Variants in DLEU7 observed in about 807,000 individuals in gnomAD.
The protein encoded by DLEU7 is deleted in lymphocytic leukemia 7.
DLEU7 carries 17 observed loss-of-function variants against 16.0 expected under a neutral mutation model. That is an observed-to-expected ratio of 1.06 (90% CI 0.73 to 1.59). The LOEUF (loss-of-function observed/expected upper bound fraction) is 1.59, where lower values mean the gene tolerates loss of function less well. DLEU7 is among the 40% of genes most tolerant of loss of function. The pLI, the probability that DLEU7 is intolerant of heterozygous loss-of-function variation, is 0.00. For synonymous variants in DLEU7, 113 were observed against 139.8 expected, an observed-to-expected ratio of 0.81 and a Z score of 1.35; for missense variants, 308 against 314.9, an observed-to-expected ratio of 0.98 and a Z score of 0.17.
intron 1 of DLEU7, among the ~76,000 whole-genome samples, chr13:50,769,326 C>T (rs1875224464): frequency 6.6e-6 from 1 of 152,046 alleles, no homozygotes; most frequent in Admixed American, 6.5e-5. Context: ...CTTTTGTTGC[C>T]ATTGCTTTTG....
intron 1 of DLEU7, among the ~76,000 whole-genome samples, chr13:50,837,172 G>A (rs907153004): frequency 2.0e-5 from 3 of 152,092 alleles, no homozygotes; most frequent in East Asian, 1.9e-4. Context: ...CTGGAAATGC[G>A]CACAAATAAC....
chr13:50,820,702 G>A (rs1353337555), downstream of DLEU7, among the ~76,000 whole-genome samples: 1 of 152,110 alleles, frequency 6.6e-6, no homozygotes, highest in East Asian at 1.9e-4. Flanking sequence ...AAGGCCAGCA[G>A]TGAATTATCT....
chr13:50,776,347 G>A (rs1320959280), intron 1 of DLEU7, among the ~76,000 whole-genome samples: 1 of 152,228 alleles, frequency 6.6e-6, no homozygotes, highest in East Asian at 1.9e-4. Context: ...GGATAGCCCA[G>A]TGCTGTCACT....
chr13:50,842,594 G>A (rs565462182), intron 1 of DLEU7, among the ~76,000 whole-genome samples: 1 of 152,274 alleles, frequency 6.6e-6, no homozygotes, highest in East Asian at 1.9e-4. Flanking sequence ...TTAGCATTTA[G>A]TATTCACGCT....
At chr13:50,757,566 C>T (rs1008330223) in intron 1 of DLEU7, among the ~76,000 whole-genome samples, 11 of 152,152 alleles carry the variant, frequency 7.2e-5, no homozygotes, top group African/African-American at 2.7e-4. Flanking sequence ...AGCGCTCACA[C>T]CTTCAGTCTA....
At chr13:50,799,337 G>C (rs1287533551) in intron 1 of DLEU7, among the ~76,000 whole-genome samples, 1 of 152,122 alleles carries the variant, frequency 6.6e-6, no homozygotes, top group African/African-American at 2.4e-5. Flanking sequence ...CCCTTGCCTT[G>C]TTCCTATGTG....
At position 50,803,505 on chromosome 13, in the gene DLEU7, A is replaced by G. The variant is rs1238640066; in HGVS notation, c.459+39683T>C. ...GCCACCAGCCCCATGTGGCTCTTGA[A>G]CACTTGAAATGTGGCTAGTTCCAAT... On this transcript the variant is annotated intron_variant, in intron 1 of 1. Coordinates refer to the DLEU7 transcript ENST00000400393. Among the ~76,000 whole-genome samples the G allele has an allele frequency of 3.9e-5, 6 of 152,232 alleles. No homozygotes were observed. In the South Asian group the frequency reaches 1.2e-3, roughly 32 times the overall value.
intron 1 of DLEU7, among the ~76,000 whole-genome samples, chr13:50,729,237 T>G (rs909788536): frequency 1.3e-5 from 2 of 152,194 alleles, no homozygotes; most frequent in African/African-American, 4.8e-5. Flanking sequence ...TATGTCTATG[T>G]GTACTCAAGT....
chr13:50,819,554 A>G (rs1876834307), downstream of DLEU7, among the ~76,000 whole-genome samples: 1 of 152,112 alleles, frequency 6.6e-6, no homozygotes, highest in South Asian at 2.1e-4. Flanking sequence ...AATAGTGGCT[A>G]TGGAAGTAGT....
chr13:50,761,699 C>T (rs1258301716), intron 1 of DLEU7, among the ~76,000 whole-genome samples: 3 of 152,070 alleles, frequency 2.0e-5, no homozygotes, highest in Admixed American at 2.0e-4. Flanking sequence ...AATCATGGGC[C>T]CCAATCTGAC....
At chr13:50,789,908 C>G (rs889578886) in intron 1 of DLEU7, among the ~76,000 whole-genome samples, 1 of 151,308 alleles carries the variant, frequency 6.6e-6, no homozygotes, top group Non-Finnish European at 1.5e-5. Flanking sequence ...TTTCCCAGAG[C>G]CACCTTTTTT....
At chr13:50,748,473 A>T (rs1311210131) in intron 1 of DLEU7, among the ~76,000 whole-genome samples, 3 of 152,166 alleles carry the variant, frequency 2.0e-5, no homozygotes, top group Admixed American at 6.5e-5. Flanking sequence ...ATAAATTTTT[A>T]AAAGTCCATG....
intron 1 of DLEU7, among the ~76,000 whole-genome samples, chr13:50,827,980 A>C (rs554976743): frequency 1.3e-5 from 2 of 152,324 alleles, no homozygotes; most frequent in Admixed American, 6.5e-5. Context: ...AGCCAAAATA[A>C]AACCAAAAAA....
Position 50,823,466 on chromosome 13 carries a change from G to A in DLEU7, c.514C>T (p.Gln172Ter), listed in dbSNP as rs1291831582. 6.5e-6 allele frequency: 10 copies of A among 1,535,806 alleles called. No individual in the cohort carries two copies. The highest frequency in any genetic ancestry group is 1.7e-4 in the Middle Eastern group (1 of 6,008). ...GCATTCAAGTCTCTGTCAAACTGCT[G>A]TCCTTCAATCTGTAGAGCCAAATGA... ...CSHLALQIEGQQFDRDLNAAH... is the reference protein window; with the variant it reads ...CSHLALQIEG The change falls in exon 2 of 2, where the codon CAG becomes TAG. Residue 172 changes from glutamine (Q) to a stop codon, truncating the protein, a stop_gained. Coordinates refer to ENST00000504404, the MANE Select transcript of DLEU7 (RefSeq NM_001306135.2). LOFTEE classifies it high-confidence loss of function.
intron 1 of DLEU7, among the ~76,000 whole-genome samples, chr13:50,720,969 A>C (rs1350086688): frequency 6.6e-6 from 1 of 152,182 alleles, no homozygotes; most frequent in African/African-American, 2.4e-5. Context: ...AAGGATGCAA[A>C]GTATTGTTCC....
intron 1 of DLEU7, among the ~76,000 whole-genome samples, chr13:50,751,684 T>C (rs1430566900): frequency 6.6e-6 from 1 of 152,214 alleles, no homozygotes; most frequent in Non-Finnish European, 1.5e-5. Flanking sequence ...TCCAGAAGTT[T>C]ATCCATCACT....
chr13:50,812,069 C>CAAA (rs35178818), intron 1 of DLEU7, among the ~76,000 whole-genome samples: 27 of 104,464 alleles, frequency 2.6e-4, no homozygotes, highest in South Asian at 7.0e-4. Flanking sequence ...GATTCCATCT[C>CAAA]AAAAAAAAAA....
At chr13:50,772,642 G>C (rs1031951511) in intron 1 of DLEU7, among the ~76,000 whole-genome samples, 4 of 152,192 alleles carry the variant, frequency 2.6e-5, no homozygotes, top group Non-Finnish European at 5.9e-5. Flanking sequence ...TTCACTGTTA[G>C]TCTGATGGGC....
chr13:50,731,009 A>T (rs1873897712), intron 1 of DLEU7, among the ~76,000 whole-genome samples: 1 of 152,042 alleles, frequency 6.6e-6, no homozygotes, highest in South Asian at 2.1e-4. Context: ...AATGGAAAGT[A>T]CCCCTGATTG....
Sources: allele counts gnomAD v4.1 joint callset (sites outside exome capture counted in the v4.1 genomes callset), GRCh38; gene constraint gnomAD v4.1.1; transcripts MANE v1.5; gene names NCBI Gene and HGNC (gene_info 2026-07-23, HGNC 2026-07-21).